NALCN: variants seen among roughly 807,000 people sequenced by gnomAD.
The protein encoded by NALCN is sodium leak channel, non-selective.
NALCN carries 111 observed loss-of-function variants against 225.3 expected under a neutral mutation model. That is an observed-to-expected ratio of 0.49 (90% CI 0.42 to 0.58). The LOEUF (loss-of-function observed/expected upper bound fraction) is 0.58, where lower values mean the gene tolerates loss of function less well. Among genes scored for constraint, NALCN ranks in the 20% least tolerant of loss-of-function variants. The pLI is 0.00. For missense variants in NALCN, 1,378 were observed against 2,202.4 expected (o/e 0.63, Z 7.49); for synonymous variants, 764 against 769.0 (o/e 0.99, Z 0.11).
In NALCN at chr13:101,095,513, T is replaced by C. The variant is rs1594192901; in HGVS notation, c.3269+61A>G. ...TTAGTTACATGCCATATGATACTTA[T>C]TTAAAGCCTTATACTGACAAACACA... On this transcript the variant is annotated intron_variant, in intron 28 of 43. Coordinates refer to ENST00000251127, the MANE Select transcript of NALCN (RefSeq NM_052867.4). 7.3e-6 allele frequency: 10 copies of C among 1,364,300 alleles called. No individual in the cohort carries two copies. The East Asian group carries it at 1.8e-4, about 25-fold the overall frequency. 84.5% of individuals were successfully genotyped at this position (1,364,300 alleles called of 1,614,324 possible).
intron 11 of NALCN, among the ~76,000 whole-genome samples, chr13:101,245,475 T>C: frequency 6.6e-6 from 1 of 152,196 alleles, no homozygotes; most frequent in African/African-American, 2.4e-5. Flanking sequence ...GGAGTTTTGA[T>C]ACCTCTACCA....
intron 10 of NALCN, among the ~76,000 whole-genome samples, chr13:101,282,458 A>C (rs1209739681): frequency 6.6e-6 from 1 of 152,184 alleles, no homozygotes; most frequent in Non-Finnish European, 1.5e-5. Context: ...CAAAAAGTCA[A>C]ATTCATTGAA....
At chr13:101,273,797 A>G (rs1009704469) in intron 10 of NALCN, among the ~76,000 whole-genome samples, 7 of 150,070 alleles carry the variant, frequency 4.7e-5, no homozygotes, top group African/African-American at 1.7e-4. Context: ...GGGCAGGAGA[A>G]TGGCGTGAAC....
At chr13:101,147,956 C>T (rs2037441249) in intron 15 of NALCN, among the ~76,000 whole-genome samples, 1 of 152,144 alleles carries the variant, frequency 6.6e-6, no homozygotes, top group Non-Finnish European at 1.5e-5. Flanking sequence ...TTCTAGATTT[C>T]AGTTCCACTA....
intron 15 of NALCN, among the ~76,000 whole-genome samples, chr13:101,165,117 G>A (rs141583352): frequency 3.6e-4 from 55 of 152,280 alleles, no homozygotes; most frequent in East Asian, 2.5e-3. Flanking sequence ...TGACTTCAGC[G>A]TGTTGTACAA....
chr13:101,187,997 A>G (rs479648), intron 14 of NALCN, among the ~76,000 whole-genome samples: 75,674 of 151,984 alleles, frequency 0.5, 20,386 homozygotes, highest in African/African-American at 0.71. Context: ...GCAGGTCCCT[A>G]GTATAGAGCA....
rs181146836 is a variant in NALCN at position 101,325,681 on chromosome 13, A to G, written c.799+19585T>C. On this transcript the variant is annotated intron_variant, in intron 7 of 43. Transcript: ENST00000251127. ...CTGATATCCGTTTTATCCTCTGCAGACTAGTCACAGACAGCTGCAAGCTAA... is the reference window on the plus strand; with the variant it reads ...CTGATATCCGTTTTATCCTCTGCAGGCTAGTCACAGACAGCTGCAAGCTAA... 4.6e-5 allele frequency among the ~76,000 whole-genome samples: 7 copies of G among 152,260 alleles called. No individual in the cohort carries two copies. The East Asian group carries it at 1.4e-3, about 30-fold the overall frequency.
chr13:101,397,354 A>G (rs556606724), intron 2 of NALCN, among the ~76,000 whole-genome samples: 1 of 150,532 alleles, frequency 6.6e-6, no homozygotes, highest in East Asian at 2.0e-4. Context: ...ATTATAAAAC[A>G]TGTTCTAGAT....
At chr13:101,305,139 A>G (rs2044114189) in intron 7 of NALCN, among the ~76,000 whole-genome samples, 1 of 152,124 alleles carries the variant, frequency 6.6e-6, no homozygotes, top group South Asian at 2.1e-4. Flanking sequence ...GTTTTTATGA[A>G]CCTCTGTACT....
chr13:101,178,794 T>C (rs1454335274), intron 14 of NALCN, among the ~76,000 whole-genome samples: 1 of 152,250 alleles, frequency 6.6e-6, no homozygotes, highest in African/African-American at 2.4e-5. Flanking sequence ...TATTTCTATC[T>C]TGAGAACACG....
intron 6 of NALCN, among the ~76,000 whole-genome samples, chr13:101,373,338 G>A (rs1479923799): frequency 2.6e-5 from 4 of 151,910 alleles, no homozygotes; most frequent in African/African-American, 7.3e-5. Context: ...TTCAAGACCC[G>A]GTAAAGATAT....
At chr13:101,378,442 A>G in intron 4 of NALCN, 128 bp downstream of exon 4, 1 of 661,818 alleles carries the variant, frequency 1.5e-6, no homozygotes, top group East Asian at 2.9e-5. Flanking sequence ...AAAATAAAAT[A>G]AAATGTTGTA....
intron 13 of NALCN, among the ~76,000 whole-genome samples, chr13:101,195,317 T>C (rs2039844859): frequency 6.6e-6 from 1 of 152,252 alleles, no homozygotes; most frequent in Admixed American, 6.5e-5. Context: ...ACCCATCTTT[T>C]ATCTGCCATG....
intron 22 of NALCN, 98 bp downstream of exon 22, chr13:101,107,388 AC>A: frequency 6.4e-7 from 1 of 1,565,732 alleles, no homozygotes. Context: ...TTATTTTGTG[AC>A]CCCATTAGGA....
intron 13 of NALCN, among the ~76,000 whole-genome samples, chr13:101,205,404 A>C (rs1023018459): frequency 8.6e-5 from 13 of 152,028 alleles, no homozygotes; most frequent in African/African-American, 3.1e-4. Flanking sequence ...CAGTAATTTG[A>C]GACTTAAAGT....
chr13:101,116,667 C>T (rs765130907), intron 18 of NALCN: 17 of 412,528 alleles, frequency 4.1e-5, no homozygotes, highest in Non-Finnish European at 7.6e-5. Context: ...TTACACAATA[C>T]CGTCTGGTAT....
rs911456207 is a variant in NALCN at position 101,368,346 on chromosome 13, T to C, written c.644+8354A>G. ...AAGGACATGAACTCATCATTTTTTA[T>C]GGCTGCATAGTATTCCATGGTGTAT... On this transcript the variant is annotated intron_variant, in intron 6 of 43. Coordinates refer to ENST00000251127, the MANE Select transcript of NALCN (RefSeq NM_052867.4). 3.3e-5 allele frequency among the ~76,000 whole-genome samples: 5 copies of C among 152,112 alleles called. No individual in the cohort carries two copies. The South Asian group carries it at 1.0e-3, about 31-fold the overall frequency.
intron 7 of NALCN, among the ~76,000 whole-genome samples, chr13:101,294,689 T>G (rs373155184): frequency 2.5e-4 from 38 of 151,626 alleles, no homozygotes; most frequent in East Asian, 2.3e-3. Context: ...GTGGGGGTAG[T>G]TTAGTGAGGG....
chr13:101,274,803 C>T (rs1418651461), intron 10 of NALCN, among the ~76,000 whole-genome samples: 3 of 152,104 alleles, frequency 2.0e-5, no homozygotes, highest in African/African-American at 7.2e-5. Context: ...TCTTAATAAA[C>T]TTCTCAAGTC....
Sources: gnomAD v4.1 joint callset for allele counts (sites outside exome capture counted in the v4.1 genomes callset) on GRCh38, gnomAD v4.1.1 for gene constraint, MANE v1.5 for transcripts, NCBI Gene and HGNC (gene_info 2026-07-23, HGNC 2026-07-21) for gene names.